Variants in FOXJ2 observed in about 807,000 individuals in gnomAD.
The protein encoded by FOXJ2 is forkhead box protein J2.
FOXJ2 carries 18 observed loss-of-function variants against 68.4 expected under a neutral mutation model. The observed-to-expected ratio is 0.26, with a 90% CI of 0.18 to 0.39. The LOEUF is 0.39. FOXJ2 is among the 10% of genes least tolerant of loss of function. FOXJ2 has a pLI of 1.00. For synonymous variants in FOXJ2, 274 were observed against 263.2 expected, an observed-to-expected ratio of 1.04 and a Z score of -0.40; for missense variants, 670 against 726.5, an observed-to-expected ratio of 0.92 and a Z score of 0.89.
Position 8,040,645 on chromosome 12 carries a change from A to T in FOXJ2, c.333+480A>T, listed in dbSNP as rs1166460169. Among the ~76,000 whole-genome samples, 1 of 151,386 alleles carries T rather than the reference A, an allele frequency of 6.6e-6. No homozygotes were observed. Among genetic ancestry groups the T allele is most frequent in the South Asian group, 2.1e-4 (1 of 4,778 alleles). ...GCTATGTTGGCCAGGCTGGTCTCGA[A>T]CTCCAGATCTCATTATCCACCCGCC... On this transcript the variant is annotated intron_variant, in intron 2 of 10. Coordinates refer to ENST00000162391, the MANE Select transcript of FOXJ2 (RefSeq NM_018416.3). This position sits in a 1 kb window ranked among gnomAD's most constrained non-coding sequence, Gnocchi z 4.0.
Position 8,033,239 on chromosome 12 carries a change from A to G in FOXJ2, c.-609A>G, listed in dbSNP as rs75621466. 3,192 of 201,098 alleles carry G rather than the reference A, an allele frequency of 0.016. 128 individuals are homozygous for G. Among genetic ancestry groups the G allele is most frequent in the African/African-American group, 0.071 (3,059 of 43,386 alleles). 12.5% of individuals were successfully genotyped at this position (201,098 alleles called of 1,614,324 possible). A position where few individuals can be genotyped will look rare whatever the true frequency, so the allele number is the denominator to read the frequency against. On this transcript the variant is annotated 5_prime_UTR_variant, in exon 1 of 11. Transcript: ENST00000162391. ...CCCGCCCCTCCAAACACACACTCTC[A>G]ACAGTTCAGGACTTTGGAGGCAAAG... is the stretch of plus-strand genomic sequence containing the variant.
intron 10 of FOXJ2, 48 bp downstream of exon 10, chr12:8,050,668 G>C (rs1199445841): frequency 1.9e-6 from 3 of 1,603,556 alleles, no homozygotes; most frequent in Non-Finnish European, 2.6e-6. Flanking sequence ...CTGATGAGTT[G>C]CTTTGCTTTC....
chr12:8,048,824 A>AG (rs2121349380), intron 8 of FOXJ2, 26 bp downstream of exon 8: 7 of 1,594,134 alleles, frequency 4.4e-6, no homozygotes, highest in Non-Finnish European at 6.0e-6. Flanking sequence ...ACGAAGGAAG[A>AG]GAGGGATACA....
At chr12:8,047,328 A>G (rs193184451) in intron 6 of FOXJ2, among the ~76,000 whole-genome samples, 76 of 152,268 alleles carry the variant, frequency 5.0e-4, no homozygotes, top group African/African-American at 1.6e-3. Flanking sequence ...ACACACCTGT[A>G]GTCTCAGCTA....
rs1045440616 is a variant in FOXJ2 at position 8,035,556 on chromosome 12, G to C, written c.-15+1723G>C. Among the ~76,000 whole-genome samples, 1 of 152,194 alleles carries C rather than the reference G, an allele frequency of 6.6e-6. No individual in the cohort carries two copies. The highest frequency in any genetic ancestry group is 2.4e-5 in the African/African-American group (1 of 41,442). On this transcript the variant is annotated intron_variant, in intron 1 of 10. Transcript: ENST00000162391. This position sits in a 1 kb window ranked among gnomAD's most constrained non-coding sequence, Gnocchi z 4.0. Reference sequence around the variant, plus strand: ...TACCTTTTACAAAAGAGGCCTCGCTGGTTAACAGCAGCCTGTTTCTTATAA... The same window carrying C: ...TACCTTTTACAAAAGAGGCCTCGCTCGTTAACAGCAGCCTGTTTCTTATAA...
rs1464280669 is a variant in FOXJ2 at position 8,040,453 on chromosome 12, G to A, written c.333+288G>A. 4.0e-5 allele frequency among the ~76,000 whole-genome samples: 6 copies of A among 151,104 alleles called. No individual in the cohort carries two copies. Among genetic ancestry groups the A allele is most frequent in the Admixed American group, 6.6e-5 (1 of 15,130 alleles). ...TTTTTTTTTTTTGAGACAGAGTCTC[G>A]TACTGTCGCCTGGGCTGGGGTGCAA... On this transcript the variant is annotated intron_variant, in intron 2 of 10. Transcript: ENST00000162391. The surrounding 1 kb of genome is among the most constrained non-coding windows in gnomAD (Gnocchi z 4.0).
In FOXJ2 at chr12:8,048,080, CA is replaced by C; in HGVS notation, c.1018del (p.Ser340AlafsTer23). 2.5e-6 allele frequency: 4 copies of C among 1,612,334 alleles called. No individual in the cohort carries two copies. The highest frequency in any genetic ancestry group is 3.4e-6 in the Non-Finnish European group (4 of 1,178,914). ...GGGGGTGCTCCTCCACTGCACACCC[CA>C]AGCACAGATGGTTGTACCCCACCAG... Reference protein sequence around the residue: ...AVGGAPPLHTPSTDGCTPPGG... With the variant: ...AVGGAPPLHTXSTDGCTPPGG... On this transcript the variant is annotated frameshift_variant, in exon 7 of 11. Coordinates refer to ENST00000162391, the MANE Select transcript of FOXJ2 (RefSeq NM_018416.3). LOFTEE classifies it high-confidence loss of function.
chr12:8,050,186 G>T (rs1195299971), intron 9 of FOXJ2: 1 of 328,212 alleles, frequency 3.0e-6, no homozygotes, highest in Middle Eastern at 1.1e-3. Context: ...GTGTCGCCCA[G>T]GCTATCTTCA....
Position 8,040,461 on chromosome 12 carries a change from G to A in FOXJ2, c.333+296G>A, listed in dbSNP as rs112172925. ...TTTTGAGACAGAGTCTCGTACTGTCGCCTGGGCTGGGGTGCAATGGCATGA... is the reference window on the plus strand; with the variant it reads ...TTTTGAGACAGAGTCTCGTACTGTCACCTGGGCTGGGGTGCAATGGCATGA... On this transcript the variant is annotated intron_variant, in intron 2 of 10. Transcript: ENST00000162391. This position sits in a 1 kb window ranked among gnomAD's most constrained non-coding sequence, Gnocchi z 4.0. 7.9e-5 allele frequency among the ~76,000 whole-genome samples: 12 copies of A among 151,046 alleles called. No individual in the cohort carries two copies. The highest frequency in any genetic ancestry group is 2.1e-4 in the South Asian group (1 of 4,780).
In FOXJ2 at chr12:8,048,439, CT is replaced by C. The variant is rs911070444; in HGVS notation, c.1225+152del. ...TGAGCTAATCTGAACAAAGTTACTACTTAGAGCTCTGTCTTATAGAATTCCT... is the reference window on the plus strand; with the variant it reads ...TGAGCTAATCTGAACAAAGTTACTACTAGAGCTCTGTCTTATAGAATTCCT... On this transcript the variant is annotated intron_variant, in intron 7 of 10. Transcript: ENST00000162391. 4 of 1,337,858 alleles carry C rather than the reference CT, an allele frequency of 3.0e-6. No individual in the cohort carries two copies. In the African/African-American group the frequency reaches 5.9e-5, roughly 20 times the overall value. The allele number at this position is 1,337,858 out of a possible 1,614,324, so 82.9% of individuals were successfully genotyped here. A position where few individuals can be genotyped will look rare whatever the true frequency, so the allele number is the denominator to read the frequency against.
intron 6 of FOXJ2, among the ~76,000 whole-genome samples, chr12:8,045,956 A>G (rs776737840): frequency 2.8e-4 from 43 of 152,250 alleles, no homozygotes; most frequent in African/African-American, 1.0e-3. Flanking sequence ...ACTGTGCCTG[A>G]CCCATATTTC....
intron 5 of FOXJ2, among the ~76,000 whole-genome samples, chr12:8,044,311 A>G (rs749492486): frequency 6.6e-6 from 1 of 152,362 alleles, no homozygotes; most frequent in Non-Finnish European, 1.5e-5. Context: ...ACAGTGGCTC[A>G]TGCCTGTAAT....
In FOXJ2 at chr12:8,035,478, C is replaced by G. The variant is rs911004273; in HGVS notation, c.-15+1645C>G. Among the ~76,000 whole-genome samples, 5 of 152,174 alleles carry G rather than the reference C, an allele frequency of 3.3e-5. No homozygotes were observed. The highest frequency in any genetic ancestry group is 9.7e-5 in the African/African-American group (4 of 41,442). ...TAAGAGAGCTTCATTGCTGATACCT[C>G]TGGTCTCAGAAGGATGAGGATCCTT... On this transcript the variant is annotated intron_variant, in intron 1 of 10. Coordinates refer to ENST00000162391, the MANE Select transcript of FOXJ2 (RefSeq NM_018416.3). The surrounding 1 kb of genome is among the most constrained non-coding windows in gnomAD (Gnocchi z 4.0).
intron 6 of FOXJ2, among the ~76,000 whole-genome samples, chr12:8,045,257 C>G (rs1430497789): frequency 6.9e-6 from 1 of 145,254 alleles, no homozygotes; most frequent in Non-Finnish European, 1.5e-5. Context: ...TCGCTCTTGT[C>G]GCCCAGGCTG....
At chr12:8,041,483 C>T (rs1946964103) in intron 2 of FOXJ2, among the ~76,000 whole-genome samples, 1 of 151,540 alleles carries the variant, frequency 6.6e-6, no homozygotes, top group Admixed American at 6.6e-5. Flanking sequence ...GCAGGGATTA[C>T]AGGTGTGAGC....
Position 8,038,079 on chromosome 12 carries a change from G to A in FOXJ2, c.-14-1740G>A, listed in dbSNP as rs751398742. ...CAAACAATTCTTGGGTTAGAGTTGC[G>A]TCTCTTGCTGCCCCCGCCCCTGAGG... is the stretch of plus-strand genomic sequence containing the variant. On this transcript the variant is annotated intron_variant, in intron 1 of 10. Transcript: ENST00000162391. The surrounding 1 kb of genome is among the most constrained non-coding windows in gnomAD (Gnocchi z 5.3). Among the ~76,000 whole-genome samples, 24 of 152,282 alleles carry A rather than the reference G, an allele frequency of 1.6e-4. No homozygotes were observed. The highest frequency in any genetic ancestry group is 7.7e-4 in the East Asian group (4 of 5,182).
chr12:8,050,617 C>T lies in FOXJ2; in HGVS notation c.1633C>T (p.Pro545Ser). ...PTQDSAGYNR[P>S]AHHMVPRPSV... is the part of the protein sequence containing the mutation. ...CCAGGACTCAGCAGGATACAATCGC[C>T]CAGGTAAGAGCTAAGAAGCTTGTTT... Residue 545 changes from proline (P) to serine (S), a missense_variant, in exon 10 of 11, where the codon CCA becomes TCA. Physicochemically the swap from Pro to Ser is moderately conservative, Grantham distance 74 (BLOSUM62 -1). Coordinates refer to ENST00000162391, the MANE Select transcript of FOXJ2 (RefSeq NM_018416.3). The T allele has an allele frequency of 6.2e-7, 1 of 1,613,992 alleles. No homozygotes were observed. The highest frequency in any genetic ancestry group is 8.5e-7 in the Non-Finnish European group (1 of 1,179,956).
At chr12:8,042,251 C>T (rs1946976631) in intron 2 of FOXJ2, among the ~76,000 whole-genome samples, 3 of 152,154 alleles carry the variant, frequency 2.0e-5, no homozygotes, top group African/African-American at 7.2e-5. Context: ...TGAAGGTGAT[C>T]TGTGTTTTTG....
chr12:8,047,687 C>T (rs1256932581), intron 6 of FOXJ2, among the ~76,000 whole-genome samples, 195 bp from the exon 7 acceptor site: 3 of 152,062 alleles, frequency 2.0e-5, no homozygotes, highest in Non-Finnish European at 4.4e-5. Flanking sequence ...CTGTCAGGGC[C>T]CTCCTCTAAC....
Sources: allele counts gnomAD v4.1 joint callset (sites outside exome capture counted in the v4.1 genomes callset), GRCh38; gene constraint gnomAD v4.1.1; non-coding constraint Gnocchi (gnomAD v3.1); transcripts MANE v1.5; gene names NCBI Gene and HGNC (gene_info 2026-07-23, HGNC 2026-07-21).